The following CNBD1 variants were observed in gnomAD, a reference collection of about 807,000 sequenced individuals.
CNBD1 encodes the protein cyclic nucleotide binding domain containing 1.
In CNBD1, 71 loss-of-function variants were observed where a neutral mutation model predicts 54.4. That is an observed-to-expected ratio of 1.30 (90% CI 1.08 to 1.59). The LOEUF (loss-of-function observed/expected upper bound fraction) is 1.59, where lower values mean the gene tolerates loss of function less well. CNBD1 is among the 40% of genes most tolerant of loss of function. The pLI, the probability that CNBD1 is intolerant of heterozygous loss-of-function variation, is 0.00. For synonymous variants in CNBD1, 182 were observed against 170.7 expected, an observed-to-expected ratio of 1.07 and a Z score of -0.51; for missense variants, 659 against 518.0, an observed-to-expected ratio of 1.27 and a Z score of -2.64.
At chr8:87,215,882 G>C (rs189064957) in intron 5 of CNBD1, among the ~76,000 whole-genome samples, 80 of 152,200 alleles carry the variant, frequency 5.3e-4, no homozygotes, top group African/African-American at 1.1e-3. Flanking sequence ...TGCCCATTAA[G>C]CAATCACTCA....
At chr8:87,202,510 G>C (rs1183086558) in intron 4 of CNBD1, among the ~76,000 whole-genome samples, 1 of 152,140 alleles carries the variant, frequency 6.6e-6, no homozygotes, top group East Asian at 1.9e-4. Flanking sequence ...TACTGTGAAG[G>C]AATAAGCAAG....
At chr8:86,884,936 T>A (rs535429268) in intron 1 of CNBD1, among the ~76,000 whole-genome samples, 1 of 152,220 alleles carries the variant, frequency 6.6e-6, no homozygotes, top group Non-Finnish European at 1.5e-5. Context: ...CGCAGGATCA[T>A]TGTGATATTT....
chr8:87,196,355 G>T (rs1813722882), intron 4 of CNBD1, among the ~76,000 whole-genome samples: 1 of 152,178 alleles, frequency 6.6e-6, no homozygotes, highest in Non-Finnish European at 1.5e-5. Context: ...GAGATTGTTA[G>T]AAAGATTAGA....
chr8:87,278,680 A>G (rs940371446), intron 6 of CNBD1, among the ~76,000 whole-genome samples: 1 of 151,598 alleles, frequency 6.6e-6, no homozygotes, highest in Non-Finnish European at 1.5e-5. Context: ...TTTGGCAGAA[A>G]CAAAGTTATC....
chr8:87,373,577 T>G (rs1810864107), intron 10 of CNBD1, among the ~76,000 whole-genome samples: 1 of 151,822 alleles, frequency 6.6e-6, no homozygotes, highest in Non-Finnish European at 1.5e-5. Flanking sequence ...GTATGTAAAG[T>G]TGTAGGTTGT....
intron 8 of CNBD1, among the ~76,000 whole-genome samples, chr8:87,338,936 AG>A (rs1300789681): frequency 2.0e-5 from 3 of 152,070 alleles, no homozygotes. Flanking sequence ...TGTTTTAGTA[AG>A]CCCATGTCTC....
At chr8:87,067,279 G>T (rs1661810424) in intron 4 of CNBD1, among the ~76,000 whole-genome samples, 1 of 151,858 alleles carries the variant, frequency 6.6e-6, no homozygotes, top group African/African-American at 2.4e-5. Context: ...GTTGGAGAAA[G>T]AATACAAAGA....
chr8:87,201,906 C>T lies in CNBD1; in HGVS notation c.432-4087C>T, dbSNP rs77575893. Among the ~76,000 whole-genome samples, 365 of 152,168 alleles carry T rather than the reference C, an allele frequency of 2.4e-3. 1 individual carries two copies. The highest frequency in any genetic ancestry group is 4.3e-3 in the Non-Finnish European group (290 of 68,016). ...TAACTGGGTTTACAGGAGCCTGCCA[C>T]CACACCTAGCTAGTTTTTGTATTTT... On this transcript the variant is annotated intron_variant, in intron 4 of 10. Coordinates refer to ENST00000518476, the MANE Select transcript of CNBD1 (RefSeq NM_173538.3).
rs527903956 is a variant in CNBD1, at chr8:87,134,916, A to G, written c.432-71077A>G. ...GAGCCACCACGCCCAGCCAGATTCC[A>G]ATTTTAATCTTGAAAACAAACTTAA... On this transcript the variant is annotated intron_variant, in intron 4 of 10. Transcript: ENST00000518476. Among the ~76,000 whole-genome samples the G allele has an allele frequency of 7.2e-5, 11 of 152,180 alleles. No individual in the cohort carries two copies. In the South Asian group the frequency reaches 2.3e-3, roughly 32 times the overall value.
At chr8:86,942,750 C>T (rs1807362683) in intron 4 of CNBD1, among the ~76,000 whole-genome samples, 1 of 152,168 alleles carries the variant, frequency 6.6e-6, no homozygotes. Flanking sequence ...CCACTCCCAA[C>T]ATTTAAGGAA....
chr8:87,275,677 C>A (rs932301958), intron 6 of CNBD1, among the ~76,000 whole-genome samples: 1 of 151,594 alleles, frequency 6.6e-6, no homozygotes, highest in Non-Finnish European at 1.5e-5. Context: ...CAGGGATGCC[C>A]TCTCTCACCA....
At chr8:86,937,581 G>A (rs1028152943) in intron 3 of CNBD1, among the ~76,000 whole-genome samples, 3 of 152,132 alleles carry the variant, frequency 2.0e-5, no homozygotes, top group Non-Finnish European at 4.4e-5. Flanking sequence ...TGACTTCTGT[G>A]CACCTGCAGG....
At chr8:86,956,341 A>C (rs1807768612) in intron 4 of CNBD1, among the ~76,000 whole-genome samples, 1 of 152,148 alleles carries the variant, frequency 6.6e-6, no homozygotes, top group Admixed American at 6.6e-5. Flanking sequence ...TATCAACTTT[A>C]AAGTAGTTTT....
intron 8 of CNBD1, among the ~76,000 whole-genome samples, chr8:87,294,032 G>GTT (rs1563540667): frequency 6.6e-6 from 1 of 152,100 alleles, no homozygotes; most frequent in African/African-American, 2.4e-5. Flanking sequence ...ATCATTAAAG[G>GTT]TTTTGAATAA....
intron 8 of CNBD1, among the ~76,000 whole-genome samples, chr8:87,297,892 T>C (rs1808910273): frequency 6.6e-6 from 1 of 152,000 alleles, no homozygotes; most frequent in South Asian, 2.1e-4. Context: ...TTTATATCTC[T>C]ATATTCTATC....
chr8:87,137,976 G>A (rs1460652089), intron 4 of CNBD1, among the ~76,000 whole-genome samples: 1 of 152,034 alleles, frequency 6.6e-6, no homozygotes, highest in Non-Finnish European at 1.5e-5. Context: ...AAAAGGAGAA[G>A]CATAATCTTT....
intron 4 of CNBD1, among the ~76,000 whole-genome samples, chr8:87,132,127 C>A (rs1356795797): frequency 6.6e-6 from 1 of 151,394 alleles, no homozygotes; most frequent in Non-Finnish European, 1.5e-5. Context: ...ATTTTTATGC[C>A]ATTTTTTCAA....
intron 2 of CNBD1, among the ~76,000 whole-genome samples, chr8:87,404,116 G>C (rs1426660665): frequency 6.6e-6 from 1 of 152,066 alleles, no homozygotes. Flanking sequence ...TAGATCAAGA[G>C]AGAAGAAGGA....
chr8:86,868,774 C>T (rs1278205219), intron 1 of CNBD1, among the ~76,000 whole-genome samples: 1 of 152,134 alleles, frequency 6.6e-6, no homozygotes, highest in Non-Finnish European at 1.5e-5. Context: ...CAGTGATATC[C>T]ATGCCTTAAT....
Sources: allele counts gnomAD v4.1 joint callset (sites outside exome capture counted in the v4.1 genomes callset), GRCh38; gene constraint gnomAD v4.1.1; transcripts MANE v1.5; gene names NCBI Gene and HGNC (gene_info 2026-07-23, HGNC 2026-07-21).